KRT33A: variants seen among roughly 807,000 people sequenced by gnomAD.
KRT33A encodes the protein keratin 33A, also known as keratin, type I cuticular Ha3-I.
Under a neutral mutation model 41.1 loss-of-function variants are expected in KRT33A, and 44 were observed. The observed-to-expected ratio is 1.07, with a 90% CI of 0.84 to 1.38. The LOEUF is 1.38. Ranked by LOEUF, KRT33A falls within the 40% of genes most tolerant of loss-of-function variation. KRT33A has a pLI of 0.00. For synonymous variants in KRT33A, 229 were observed against 227.8 expected (o/e 1.01, Z -0.05); for missense variants, 536 against 518.5 (o/e 1.03, Z -0.33).
In KRT33A at chr17:41,350,606, G is replaced by A. The variant is rs111795550; in HGVS notation, c.162C>T (p.Gly54=). 23 of 1,613,052 alleles carry A rather than the reference G, an allele frequency of 1.4e-5. No individual in the cohort carries two copies. The African/African-American group carries it at 2.0e-4, about 14-fold the overall frequency. The change falls in exon 1 of 7, where the codon GGC becomes GGT. Residue 54 remains glycine, a synonymous_variant. Transcript: ENST00000007735. The stretch of plus-strand genomic sequence containing the variant: ...GGAACTGCATGGTCTCCTTCTCACT[G>A]CCATTGAAGGAGCCCTCACAGAACC... ...CNWFCEGSFN[G]SEKETMQFLN...
chr17:41,346,917 T>C lies in KRT33A; in HGVS notation c.803A>G (p.Tyr268Cys), dbSNP rs751467723. 2 of 1,613,310 alleles carry C rather than the reference T, an allele frequency of 1.2e-6. No homozygotes were observed. Among genetic ancestry groups the C allele is most frequent in the Non-Finnish European group, 1.7e-6 (2 of 1,180,020 alleles). ...TCTCAGCTCGATGATCTCCGCCTGG[T>C]AGGACTGCAGCTGCTCCGAGCTGGA... The part of the protein sequence containing the change: ...VVSSSEQLQS[Y>C]QAEIIELRRT... Residue 268 changes from tyrosine (Y) to cysteine (C), a missense_variant, in exon 5 of 7, where the codon TAC (tyrosine) becomes TGC (cysteine). Coordinates refer to ENST00000007735, the MANE Select transcript of KRT33A (RefSeq NM_004138.4).
At position 41,346,168 on chromosome 17, in the gene KRT33A, G is replaced by A; in HGVS notation, c.1166C>T (p.Pro389Leu). 1.2e-6 allele frequency: 2 copies of A among 1,614,184 alleles called. No individual in the cohort carries two copies. The highest frequency in any genetic ancestry group is 2.2e-5 in the South Asian group (2 of 91,076). ...DKSTGPCISN[P>L]CGLRARCGPC... ...CCCACACCGAGCACGTAGGCCACAG[G>A]GATTAGAGATACAGGGCCCAGTGGA... The change falls in exon 7 of 7, where the codon CCC (proline) becomes CTC (leucine). Residue 389 changes from proline (P) to leucine (L), a missense_variant. Pro to Leu is a moderately conservative substitution (Grantham distance 98). Transcript: ENST00000007735.
intron 2 of KRT33A, among the ~76,000 whole-genome samples, chr17:41,348,946 G>A (rs2017463821): frequency 6.6e-6 from 1 of 152,102 alleles, no homozygotes; most frequent in Non-Finnish European, 1.5e-5. Flanking sequence ...TCCAGCCTGG[G>A]TGACAGAGCA....
chr17:41,347,137 A>G lies in KRT33A; in HGVS notation c.674T>C (p.Leu225Pro). The change falls in exon 4 of 7, where the codon CTG becomes CCG. Residue 225 changes from leucine (L) to proline (P), a missense_variant. Leu to Pro is a moderately conservative substitution (Grantham distance 98). Transcript: ENST00000007735. ...AAPTVDLNQVLNETRSQYEAL... is the reference protein window; with the variant it reads ...AAPTVDLNQVPNETRSQYEAL... ...CTCATACTGACTCCTGGTCTCATTC[A>G]GGACCTGGTTCAGGTCCACAGTGGG... The G allele has an allele frequency of 6.2e-7, 1 of 1,614,188 alleles. No homozygotes were observed. The highest frequency in any genetic ancestry group is 2.2e-5 in the East Asian group (1 of 44,884).
chr17:41,349,462 G>A (rs2144268509), intron 1 of KRT33A, 34 bp from the exon 2 acceptor site: 1 of 1,611,044 alleles, frequency 6.2e-7, no homozygotes, highest in Non-Finnish European at 8.5e-7. Flanking sequence ...AATGAGCAAG[G>A]ACTTGGTAAT....
rs1008174225 is a variant in KRT33A at position 41,346,552 on chromosome 17, G to A, written c.993C>T (p.Asp331=). The change falls in exon 6 of 7, where the codon GAC becomes GAT. Residue 331 remains aspartate (D), a synonymous_variant. Transcript: ENST00000007735. ...GATACTCCTGGTTCTGCCGCTCCAG[G>A]TCACTGCGGATCTCCGCCAGCTGGG... ...VESQLAEIRS[D]LERQNQEYQV... is the part of the protein sequence containing the mutation. The A allele has an allele frequency of 1.2e-6, 2 of 1,614,078 alleles. No homozygotes were observed. The highest frequency in any genetic ancestry group is 2.7e-5 in the African/African-American group (2 of 74,922).
In KRT33A at chr17:41,347,659, C is replaced by A. The variant is rs145655523; in HGVS notation, c.589-437G>T. On this transcript the variant is annotated intron_variant, in intron 3 of 6. Transcript: ENST00000007735. ...CTTACTTCAAAATCTGCCATCCTGG[C>A]ATAGAAGAGACTTAAAGGGTGATTT... 1.8e-4 allele frequency among the ~76,000 whole-genome samples: 27 copies of A among 152,348 alleles called. No individual in the cohort carries two copies. The East Asian group carries it at 5.0e-3, about 28-fold the overall frequency.
rs200502542 is a variant in KRT33A at position 41,350,611 on chromosome 17, T to C, written c.157A>G (p.Asn53Asp). Residue 53 changes from asparagine to aspartate, a missense_variant, in exon 1 of 7, where the codon AAT becomes GAT. Coordinates refer to ENST00000007735, the MANE Select transcript of KRT33A (RefSeq NM_004138.4). ...NCNWFCEGSF[N>D]GSEKETMQFL... is the part of the protein sequence containing the mutation. ...TGCATGGTCTCCTTCTCACTGCCAT[T>C]GAAGGAGCCCTCACAGAACCAGTTG... The C allele has an allele frequency of 1.2e-6, 2 of 1,612,948 alleles. No individual in the cohort carries two copies. The highest frequency in any genetic ancestry group is 1.3e-5 in the African/African-American group (1 of 74,304).
chr17:41,346,781 G>T, intron 5 of KRT33A, 63 bp downstream of exon 5: 1 of 1,608,796 alleles, frequency 6.2e-7, no homozygotes, highest in Non-Finnish European at 8.5e-7. Context: ...GGCCCCAAGG[G>T]CATCCCCAAG....
intron 3 of KRT33A, among the ~76,000 whole-genome samples, chr17:41,347,515 C>G (rs1348849079): frequency 6.6e-6 from 1 of 152,244 alleles, no homozygotes; most frequent in African/African-American, 2.4e-5. Flanking sequence ...TATTTAAACT[C>G]TGGTCCCCAA....
chr17:41,348,794 T>A (rs1298283996), intron 2 of KRT33A, among the ~76,000 whole-genome samples, 155 bp from the exon 3 acceptor site: 1 of 152,108 alleles, frequency 6.6e-6, no homozygotes, highest in Non-Finnish European at 1.5e-5. Context: ...TGGAAGAAAA[T>A]GCACTGGTAA....
Position 41,347,864 on chromosome 17 carries a change from A to G in KRT33A, c.588+619T>C, listed in dbSNP as rs553089449. 2.0e-5 allele frequency among the ~76,000 whole-genome samples: 3 copies of G among 152,330 alleles called. No homozygotes were observed. The South Asian group carries it at 6.2e-4, about 32-fold the overall frequency. The stretch of plus-strand genomic sequence containing the variant: ...GAAGCCTCGATTTCTTCATCTTAAC[A>G]TGAGAACTGCCTCCGGAGTTAAAGC... On this transcript the variant is annotated intron_variant, in intron 3 of 6. Transcript: ENST00000007735.
rs1436718061 is a variant in KRT33A at position 41,348,520 on chromosome 17, T to G, written c.551A>C (p.Lys184Thr). The change falls in exon 3 of 7, where the codon AAG (lysine) becomes ACG (threonine). Residue 184 changes from lysine (K) to threonine (T), a missense_variant. Transcript: ENST00000007735. ...CTGCTTGAGGCACAGCAGCTCCTCC[T>G]TCAGGGACTCCACCTGGGCCTCCAG... is the stretch of plus-strand genomic sequence containing the variant. Reference protein sequence around the residue: ...SDLEAQVESLKEELLCLKQNH... With the variant: ...SDLEAQVESLTEELLCLKQNH... 2 of 1,613,998 alleles carry G rather than the reference T, an allele frequency of 1.2e-6. No homozygotes were observed. Among genetic ancestry groups the G allele is most frequent in the Admixed American group, 3.3e-5 (2 of 60,004 alleles).
chr17:41,346,420 A>G (rs1283393911), intron 6 of KRT33A, 28 bp downstream of exon 6: 5 of 1,612,790 alleles, frequency 3.1e-6, no homozygotes, highest in South Asian at 2.2e-5. Flanking sequence ...ACATGCCCCA[A>G]GGAGAAGATT....
chr17:41,348,857 A>G (rs1322118997), intron 2 of KRT33A, among the ~76,000 whole-genome samples: 1 of 152,152 alleles, frequency 6.6e-6, no homozygotes, highest in Non-Finnish European at 1.5e-5. Context: ...GCTATTCAGG[A>G]GGCTAAGGGG....
intron 2 of KRT33A, among the ~76,000 whole-genome samples, chr17:41,349,100 C>T (rs777871910): frequency 2.6e-5 from 4 of 152,128 alleles, no homozygotes; most frequent in African/African-American, 4.8e-5. Flanking sequence ...GGGGCCAACA[C>T]GTCTACACTA....
intron 2 of KRT33A, 112 bp from the exon 3 acceptor site, chr17:41,348,751 C>T: frequency 8.7e-7 from 1 of 1,145,336 alleles, no homozygotes; most frequent in Non-Finnish European, 1.2e-6. Flanking sequence ...GTTTTTATAG[C>T]CATCTCTTTT....
chr17:41,350,806 A>G lies in KRT33A; in HGVS notation c.-39T>C. The G allele has an allele frequency of 1.3e-6, 2 of 1,575,276 alleles. No homozygotes were observed. The highest frequency in any genetic ancestry group is 1.7e-6 in the Non-Finnish European group (2 of 1,160,128). ...AGTGTCCAGCTGAAGACAGAGTCCA[A>G]AATCTCCAGGTTGTAGAGCGGTGGG... On this transcript the variant is annotated 5_prime_UTR_variant, in exon 1 of 7. Transcript: ENST00000007735.
chr17:41,348,778 T>C, intron 2 of KRT33A, 139 bp from the exon 3 acceptor site: 1 of 886,526 alleles, frequency 1.1e-6, no homozygotes, highest in South Asian at 1.7e-5. Flanking sequence ...GTTTTCAGCA[T>C]CGAGCTGGAA....
Sources: allele counts gnomAD v4.1 joint callset (sites outside exome capture counted in the v4.1 genomes callset), GRCh38; gene constraint gnomAD v4.1.1; transcripts MANE v1.5; gene names NCBI Gene and HGNC (gene_info 2026-07-23, HGNC 2026-07-21).